The following RIMS2 variants were observed in gnomAD, a reference collection of about 807,000 sequenced individuals.
RIMS2 encodes the protein regulating synaptic membrane exocytosis protein 2.
In RIMS2, 59 loss-of-function variants were observed where a neutral mutation model predicts 174.4. That is an observed-to-expected ratio of 0.34 (90% CI 0.27 to 0.42). The LOEUF (loss-of-function observed/expected upper bound fraction) is 0.42, where lower values mean the gene tolerates loss of function less well. Among genes scored for constraint, RIMS2 ranks in the 10% least tolerant of loss-of-function variants. The pLI is 1.00. For missense variants in RIMS2, 1,620 were observed against 1,666.3 expected (o/e 0.97, Z 0.48); for synonymous variants, 606 against 572.5 (o/e 1.06, Z -0.84).
intron 1 of RIMS2, among the ~76,000 whole-genome samples, chr8:103,546,562 A>C (rs1045366314): frequency 2.0e-5 from 3 of 152,164 alleles, no homozygotes; most frequent in African/African-American, 4.8e-5. Flanking sequence ...TCTTCACCCA[A>C]AACCAACAGA....
At chr8:103,756,953 A>G (rs1041898588) in intron 2 of RIMS2, among the ~76,000 whole-genome samples, 1 of 147,846 alleles carries the variant, frequency 6.8e-6, no homozygotes, top group Admixed American at 6.8e-5. Context: ...GTTTTATTTC[A>G]TCCTTTCTCG....
At chr8:104,232,046 T>TATC (rs10669430) in intron 19 of RIMS2, among the ~76,000 whole-genome samples, 114,275 of 151,752 alleles carry the variant, frequency 0.75, 44,282 homozygotes, top group African/African-American at 0.94. Flanking sequence ...TGCCTTGCAT[T>TATC]ATTATTTGTG....
chr8:103,541,731 T>C (rs1842688003), intron 1 of RIMS2, among the ~76,000 whole-genome samples: 1 of 152,186 alleles, frequency 6.6e-6, no homozygotes, highest in African/African-American at 2.4e-5. Flanking sequence ...AAAATAGTAA[T>C]AGCTACAATA....
At chr8:103,535,435 A>T (rs1839306399) in intron 1 of RIMS2, among the ~76,000 whole-genome samples, 1 of 152,240 alleles carries the variant, frequency 6.6e-6, no homozygotes, top group Non-Finnish European at 1.5e-5. Context: ...CATAGGTGGC[A>T]GATCAGGCTC....
chr8:103,800,715 G>A (rs1382583077), intron 3 of RIMS2, among the ~76,000 whole-genome samples: 3 of 152,036 alleles, frequency 2.0e-5, no homozygotes, highest in African/African-American at 7.2e-5. Flanking sequence ...TTTATGTATT[G>A]CTGGATTGGA....
At chr8:103,844,388 T>A (rs912762238) in intron 3 of RIMS2, among the ~76,000 whole-genome samples, 3 of 152,222 alleles carry the variant, frequency 2.0e-5, no homozygotes, top group Non-Finnish European at 4.4e-5. Flanking sequence ...TTCTTCTATT[T>A]CCATATTTCA....
At chr8:104,010,718 T>C (rs1316285902) in intron 17 of RIMS2, among the ~76,000 whole-genome samples, 1 of 152,170 alleles carries the variant, frequency 6.6e-6, no homozygotes, top group East Asian at 1.9e-4. Context: ...AATCACTTTT[T>C]AAAAGACAAT....
intron 3 of RIMS2, among the ~76,000 whole-genome samples, chr8:103,810,626 G>A (rs1380598055): frequency 6.6e-6 from 1 of 152,108 alleles, no homozygotes; most frequent in Non-Finnish European, 1.5e-5. Flanking sequence ...TCTACAACAT[G>A]ATGTTTTGAT....
intron 3 of RIMS2, among the ~76,000 whole-genome samples, chr8:103,807,138 C>CA (rs1011327065): frequency 1.3e-5 from 2 of 152,004 alleles, no homozygotes; most frequent in African/African-American, 4.8e-5. Flanking sequence ...GGGTTCACAA[C>CA]ACAGCCAAAA....
intron 19 of RIMS2, among the ~76,000 whole-genome samples, chr8:104,106,170 A>G (rs2098060131): frequency 6.6e-6 from 1 of 152,036 alleles, no homozygotes; most frequent in Non-Finnish European, 1.5e-5. Flanking sequence ...CTGGCCACAG[A>G]CAGTCCTCTC....
intron 19 of RIMS2, among the ~76,000 whole-genome samples, chr8:104,219,311 T>C (rs1025352552): frequency 2.0e-5 from 3 of 152,220 alleles, no homozygotes; most frequent in African/African-American, 7.2e-5. Flanking sequence ...GTATATGTGG[T>C]ATAAGATATC....
Position 103,612,519 on chromosome 8 carries a change from T to C in RIMS2, c.177-84567T>C, listed in dbSNP as rs111310683. On this transcript the variant is annotated intron_variant, in intron 1 of 23. Coordinates refer to ENST00000504942, the Ensembl canonical transcript of RIMS2. ...CAGACTCATACAGGTACCACTTTGG[T>C]GGCCTTGTATAACATCTGGAAGAAT... Among the ~76,000 whole-genome samples, 57 of 152,332 alleles carry C rather than the reference T, an allele frequency of 3.7e-4. 1 individual carries two copies. The highest frequency in any genetic ancestry group is 1.4e-3 in the African/African-American group (57 of 41,570).
intron 13 of RIMS2, among the ~76,000 whole-genome samples, chr8:103,938,960 C>T (rs1030884611): frequency 2.0e-5 from 3 of 152,164 alleles, no homozygotes; most frequent in African/African-American, 7.2e-5. Flanking sequence ...CAGCTCTACC[C>T]CTGTGGCTTT....
chr8:103,685,577 A>G (rs2096931903), intron 1 of RIMS2, among the ~76,000 whole-genome samples: 1 of 152,186 alleles, frequency 6.6e-6, no homozygotes, highest in Admixed American at 6.6e-5. Flanking sequence ...CTAATTGCTT[A>G]AAAGACAATT....
chr8:104,119,996 A>G (rs150820937), intron 19 of RIMS2, among the ~76,000 whole-genome samples: 3,188 of 152,310 alleles, frequency 0.021, 55 homozygotes, highest in Middle Eastern at 0.034. Context: ...CTGTCCAATA[A>G]GTTTTTTAGC....
In RIMS2 at chr8:103,885,925, C is replaced by T. The variant is rs2099198372; in HGVS notation, c.1326C>T (p.Pro442=). ...CTACCCCCAGGAGGAGTCCACTACCCATAGATAGACCAGACTTGAGGCGTA... is the reference window on the plus strand; with the variant it reads ...CTACCCCCAGGAGGAGTCCACTACCTATAGATAGACCAGACTTGAGGCGTA... Residue 442 remains proline, a synonymous_variant, in exon 4 of 24, where the codon CCC becomes CCT. Transcript: ENST00000504942. The T allele has an allele frequency of 1.9e-6, 3 of 1,612,854 alleles. No individual in the cohort carries two copies. In the African/African-American group the frequency reaches 4.0e-5, roughly 22 times the overall value.
intron 19 of RIMS2, among the ~76,000 whole-genome samples, chr8:104,162,098 C>T (rs11776859): frequency 0.21 from 31,702 of 152,082 alleles, 4,257 homozygotes; most frequent in South Asian, 0.37. Context: ...TTGAAAAGGT[C>T]CTTTTGCTAT....
intron 1 of RIMS2, among the ~76,000 whole-genome samples, chr8:103,693,094 G>C (rs1192916857): frequency 6.6e-6 from 1 of 152,106 alleles, no homozygotes. Flanking sequence ...GGCTAGGGCT[G>C]GTCTAAATGC....
At chr8:103,529,577 G>C (rs1310667867) in intron 1 of RIMS2, among the ~76,000 whole-genome samples, 1 of 152,170 alleles carries the variant, frequency 6.6e-6, no homozygotes, top group African/African-American at 2.4e-5. Context: ...CTGCTTCCCG[G>C]GTGAGGCGAT....
Sources: allele counts gnomAD v4.1 joint callset (sites outside exome capture counted in the v4.1 genomes callset), GRCh38; gene constraint gnomAD v4.1.1; transcripts MANE v1.5; gene names NCBI Gene and HGNC (gene_info 2026-07-23, HGNC 2026-07-21).